The following LYSMD1 variants were observed in gnomAD, a reference collection of about 807,000 sequenced individuals.
LYSMD1 encodes the protein LysM domain containing 1.
LYSMD1 carries 9 observed loss-of-function variants against 19.3 expected under a neutral mutation model. The observed-to-expected ratio is 0.47, with a 90% CI of 0.28 to 0.81. The LOEUF (loss-of-function observed/expected upper bound fraction) is 0.81. Among genes scored for constraint, LYSMD1 ranks in the 40% least tolerant of loss-of-function variants. The pLI is 0.11. For missense variants in LYSMD1, 262 were observed against 279.8 expected, an observed-to-expected ratio of 0.94 and a Z score of 0.45; for synonymous variants, 111 against 111.7, an observed-to-expected ratio of 0.99 and a Z score of 0.04.
In LYSMD1 at chr1:151,165,671, G is replaced by A; in HGVS notation, c.-413C>T. The A allele has an allele frequency of 6.4e-7, 1 of 1,550,844 alleles. No individual in the cohort carries two copies. Among genetic ancestry groups the A allele is most frequent in the Non-Finnish European group, 8.7e-7 (1 of 1,146,936 alleles). ...CCCGGGGTTTGTTTGCTAGAGTCAG[G>A]AACAAATCAGGCCCACCCCAGGTGA... On this transcript the variant is annotated 5_prime_UTR_variant, in exon 1 of 3. Transcript: ENST00000368908.
chr1:151,161,298 T>G (rs1249980366), intron 2 of LYSMD1, among the ~76,000 whole-genome samples: 2 of 151,916 alleles, frequency 1.3e-5, no homozygotes, highest in Admixed American at 1.3e-4. Flanking sequence ...GAGATTGAGA[T>G]CATCCTGGCT....
the LYSMD1 span, among the ~76,000 whole-genome samples, chr1:151,151,502 A>G: frequency 9.3e-5 from 14 of 150,922 alleles, no homozygotes; most frequent in Non-Finnish European, 1.8e-4. Flanking sequence ...CCCGGCCACA[A>G]TAAACTGTTT....
At chr1:151,159,667 C>T (rs1683362732), downstream of LYSMD1, 1 of 202,074 alleles carries the variant, frequency 4.9e-6, no homozygotes, top group Admixed American at 5.3e-5. Context: ...TGGACAGATG[C>T]CAGAGGCTCT....
chr1:151,155,049 C>T (rs769724407), downstream of LYSMD1, among the ~76,000 whole-genome samples: 1 of 152,190 alleles, frequency 6.6e-6, no homozygotes, highest in Non-Finnish European at 1.5e-5. Context: ...CATGAGCCAC[C>T]GCGCCCGGCC....
At chr1:151,161,110 T>TAAG in intron 2 of LYSMD1, 90 bp from the exon 3 acceptor site, 4 of 1,430,994 alleles carry the variant, frequency 2.8e-6, no homozygotes, top group Non-Finnish European at 2.9e-6. Flanking sequence ...AGCTATCTTC[T>TAAG]AATACATAAG....
chr1:151,159,771 TG>T lies in LYSMD1; in HGVS notation c.*1110del. The stretch of plus-strand genomic sequence containing the variant: ...TATGCACAGGGCTCAATGTTTAATC[TG>T]TCCAGCTTCGTATACCTTATAATCA... On this transcript the variant is annotated 3_prime_UTR_variant, in exon 3 of 3. Transcript: ENST00000368908. 1.7e-5 allele frequency: 3 copies of T among 173,782 alleles called. No individual in the cohort carries two copies. The highest frequency in any genetic ancestry group is 1.8e-4 in the East Asian group (1 of 5,454). The allele number at this position is 173,782 out of a possible 1,614,324, so 10.8% of individuals were successfully genotyped here. A position where few individuals can be genotyped will look rare whatever the true frequency, so the allele number is the denominator to read the frequency against.
chr1:151,159,217 G>A (rs763819042), downstream of LYSMD1: 38 of 1,613,598 alleles, frequency 2.4e-5, no homozygotes, highest in East Asian at 4.5e-5. Context: ...GATCTGTGAC[G>A]GACTCAGGAA....
downstream of LYSMD1, among the ~76,000 whole-genome samples, chr1:151,155,410 T>C (rs1683195750): frequency 6.6e-6 from 1 of 152,226 alleles, no homozygotes; most frequent in Non-Finnish European, 1.5e-5. Flanking sequence ...CATAAGATTC[T>C]TGATAGCAAG....
downstream of LYSMD1, chr1:151,159,329 G>C: frequency 7.2e-7 from 1 of 1,397,132 alleles, no homozygotes; most frequent in Non-Finnish European, 9.7e-7. Flanking sequence ...TCCTAACCCT[G>C]CTCACCTGGC....
chr1:151,159,433 C>A, downstream of LYSMD1: 1 of 642,548 alleles, frequency 1.6e-6, no homozygotes, highest in Non-Finnish European at 2.7e-6. Flanking sequence ...GGAGAAGGAG[C>A]AATGCTGAGG....
Position 151,165,679 on chromosome 1 carries a change from C to A in LYSMD1, c.-421G>T. 1.9e-6 allele frequency: 3 copies of A among 1,551,212 alleles called. No homozygotes were observed. Among genetic ancestry groups the A allele is most frequent in the Non-Finnish European group, 2.6e-6 (3 of 1,146,938 alleles). On this transcript the variant is annotated 5_prime_UTR_variant, in exon 1 of 3. The change abolishes the stop of an existing upstream ORF in the 5' untranslated region. Transcript: ENST00000368908. The stretch of plus-strand genomic sequence containing the variant: ...TTGTTTGCTAGAGTCAGGAACAAAT[C>A]AGGCCCACCCCAGGTGAACTGTCGC...
downstream of LYSMD1, chr1:151,159,255 G>A (rs1469051162): frequency 6.2e-7 from 1 of 1,609,254 alleles, no homozygotes; most frequent in Non-Finnish European, 8.5e-7. Flanking sequence ...AGCTCTGAGA[G>A]CCCTGAGCCT....
downstream of LYSMD1, among the ~76,000 whole-genome samples, chr1:151,156,100 CAAAAAAA>C (rs751524835): frequency 0.018 from 684 of 38,128 alleles, 11 homozygotes; most frequent in African/African-American, 0.048. Flanking sequence ...AACTCTGTCT[CAAAAAAA>C]AAAAAAAAAA....
At position 151,165,656 on chromosome 1, in the gene LYSMD1, GT is replaced by G. The variant is rs1683659164; in HGVS notation, c.-399del. ...CCAGCTCTCCCCGGTCCCGGGGTTT[GT>G]TTGCTAGAGTCAGGAACAAATCAGG... On this transcript the variant is annotated 5_prime_UTR_variant, in exon 1 of 3. Transcript: ENST00000368908. 6.5e-7 allele frequency: 1 copy of G among 1,549,414 alleles called. No individual in the cohort carries two copies. Among genetic ancestry groups the G allele is most frequent in the Non-Finnish European group, 8.7e-7 (1 of 1,146,624 alleles).
the LYSMD1 span, among the ~76,000 whole-genome samples, chr1:151,152,809 C>A: frequency 3.3e-5 from 5 of 152,230 alleles, no homozygotes; most frequent in Non-Finnish European, 5.9e-5. Context: ...TAAACTTACT[C>A]TTTCTGAACT....
the LYSMD1 span, among the ~76,000 whole-genome samples, chr1:151,150,951 C>T: frequency 6.6e-6 from 1 of 151,872 alleles, no homozygotes; most frequent in Non-Finnish European, 1.5e-5. Flanking sequence ...GTTGGCCAGG[C>T]TGGTCTCGAA....
At chr1:151,163,389 C>T (rs1683524246) in intron 1 of LYSMD1, among the ~76,000 whole-genome samples, 1 of 152,082 alleles carries the variant, frequency 6.6e-6, no homozygotes, top group African/African-American at 2.4e-5. Context: ...AAGTCATTAG[C>T]ATCCTACAGA....
rs771069999 is a variant in LYSMD1 at position 151,165,123 on chromosome 1, G to A, written c.136C>T (p.Pro46Ser). 2.5e-6 allele frequency: 4 copies of A among 1,614,060 alleles called. No individual in the cohort carries two copies. In the East Asian group the frequency reaches 6.7e-5, roughly 27 times the overall value. Residue 46 changes from proline to serine, a missense_variant, in exon 1 of 3, where the codon CCC (proline) becomes TCC (serine). Coordinates refer to ENST00000368908, the MANE Select transcript of LYSMD1 (RefSeq NM_212551.5). ...GCTAGTCCAGCCAGGGTGTCTCCGG[G>A]CTCCAACTGATGCTCCAGGCGTCTT... ...RERRLEHQLE[P>S]GDTLAGLALK...
chr1:151,153,936 G>C, the LYSMD1 span, among the ~76,000 whole-genome samples: 1 of 151,158 alleles, frequency 6.6e-6, no homozygotes, highest in Admixed American at 6.6e-5. Flanking sequence ...CTGGGCGACA[G>C]AGTGAGACTC....
Sources: allele counts gnomAD v4.1 joint callset (sites outside exome capture counted in the v4.1 genomes callset), GRCh38; gene constraint gnomAD v4.1.1; transcripts MANE v1.5; gene names NCBI Gene and HGNC (gene_info 2026-07-23, HGNC 2026-07-21).